WDPCP: variants seen among roughly 807,000 people sequenced by gnomAD.
The protein encoded by WDPCP is WD repeat containing planar cell polarity effector.
WDPCP carries 71 observed loss-of-function variants against 93.1 expected under a neutral mutation model. The ratio of observed to expected loss-of-function variants is 0.76; its 90% CI spans 0.63 to 0.93. The LOEUF is 0.93. WDPCP is among the 40% of genes least tolerant of loss of function. The probability of loss-of-function intolerance (pLI) is 0.00; values close to 1 mark genes in which losing one functional copy is unlikely to be tolerated. For missense variants in WDPCP, 844 were observed against 887.4 expected, an observed-to-expected ratio of 0.95 and a Z score of 0.62; for synonymous variants, 315 against 315.0, an observed-to-expected ratio of 1.00 and a Z score of 0.00.
intron 6 of WDPCP, among the ~76,000 whole-genome samples, chr2:63,454,288 A>G (rs1034253943): frequency 6.6e-6 from 1 of 151,882 alleles, no homozygotes; most frequent in Non-Finnish European, 1.5e-5. Flanking sequence ...TCTCACTCAT[A>G]AGTGGGCATT....
chr2:63,474,804 T>G (rs1368831980), intron 6 of WDPCP, among the ~76,000 whole-genome samples: 1 of 152,166 alleles, frequency 6.6e-6, no homozygotes, highest in Non-Finnish European at 1.5e-5. Flanking sequence ...ATATTATGTG[T>G]TAAAATAATT....
chr2:63,590,892 A>C (rs1486102764), upstream of WDPCP: 1 of 152,258 alleles, frequency 6.6e-6, no homozygotes, highest in Admixed American at 6.5e-5. Flanking sequence ...CTGTAAGCTC[A>C]TTCAAAGCGG....
At chr2:63,543,977 CT>C (rs1164925826) in intron 1 of WDPCP, among the ~76,000 whole-genome samples, 3 of 151,984 alleles carry the variant, frequency 2.0e-5, no homozygotes, top group African/African-American at 7.2e-5. Context: ...GTTAGCTGAG[CT>C]TAAAATGCAA....
intron 2 of WDPCP, among the ~76,000 whole-genome samples, chr2:63,686,002 A>T (rs1325543465): frequency 6.6e-6 from 1 of 152,238 alleles, no homozygotes; most frequent in African/African-American, 2.4e-5. Context: ...CTATTATCAT[A>T]CTGAATGGGG....
At chr2:63,681,794 G>A (rs142762559) in intron 2 of WDPCP, among the ~76,000 whole-genome samples, 2 of 152,322 alleles carry the variant, frequency 1.3e-5, no homozygotes, top group Admixed American at 6.5e-5. Flanking sequence ...GGCCACAGTG[G>A]TGCTTGTATC....
chr2:63,799,738 G>A (rs534084436), intron 2 of WDPCP, among the ~76,000 whole-genome samples: 3 of 152,184 alleles, frequency 2.0e-5, no homozygotes, highest in East Asian at 3.9e-4. Context: ...TAAGAAATAG[G>A]CTGAAAGGCC....
At chr2:63,154,797 C>T (rs964127974) in intron 15 of WDPCP, among the ~76,000 whole-genome samples, 14 of 152,272 alleles carry the variant, frequency 9.2e-5, no homozygotes, top group African/African-American at 3.4e-4. Context: ...GCATCATCCT[C>T]ACCAGCACCT....
chr2:63,503,308 G>A (rs1278464613), intron 1 of WDPCP, among the ~76,000 whole-genome samples: 1 of 152,128 alleles, frequency 6.6e-6, no homozygotes, highest in African/African-American at 2.4e-5. Flanking sequence ...CCTTTGCATA[G>A]TCATTTTCTA....
upstream of WDPCP, among the ~76,000 whole-genome samples, chr2:63,829,654 T>C (rs1671163727): frequency 6.6e-6 from 1 of 152,098 alleles, no homozygotes; most frequent in Non-Finnish European, 1.5e-5. Flanking sequence ...ACTTTTCCAT[T>C]GTGTAAGATT....
At chr2:63,670,152 G>A (rs1710327118) in intron 2 of WDPCP, among the ~76,000 whole-genome samples, 1 of 152,066 alleles carries the variant, frequency 6.6e-6, no homozygotes, top group Non-Finnish European at 1.5e-5. Flanking sequence ...CATTTGCATA[G>A]GGGAGGAGAG....
chr2:63,349,251 T>A (rs1012574416), intron 12 of WDPCP, among the ~76,000 whole-genome samples: 3 of 152,150 alleles, frequency 2.0e-5, no homozygotes, highest in Non-Finnish European at 4.4e-5. Flanking sequence ...CTAGAAATTT[T>A]AACTCATTGT....
At chr2:63,726,039 AGTT>A (rs1669493156) in intron 2 of WDPCP, among the ~76,000 whole-genome samples, 1 of 152,118 alleles carries the variant, frequency 6.6e-6, no homozygotes, top group Admixed American at 6.5e-5. Context: ...GAAGCTCTTT[AGTT>A]TAATTAAGTC....
intron 3 of WDPCP, among the ~76,000 whole-genome samples, chr2:63,644,219 G>A (rs978667412): frequency 3.4e-5 from 5 of 149,060 alleles, no homozygotes; most frequent in African/African-American, 1.2e-4. Context: ...CAGAATGAAT[G>A]TGCAAGTATT....
intron 2 of WDPCP, among the ~76,000 whole-genome samples, chr2:63,721,550 A>C (rs1246817098): frequency 1.3e-5 from 2 of 152,030 alleles, no homozygotes; most frequent in African/African-American, 2.4e-5. Context: ...AATATAAATA[A>C]ATTTTTAAAA....
chr2:63,293,478 A>T (rs1038115888), intron 13 of WDPCP, among the ~76,000 whole-genome samples: 1 of 152,188 alleles, frequency 6.6e-6, no homozygotes, highest in Non-Finnish European at 1.5e-5. Flanking sequence ...GCAACAAAAA[A>T]TCATGAGGCA....
intron 6 of WDPCP, among the ~76,000 whole-genome samples, chr2:63,452,713 C>A (rs547901440): frequency 4.6e-5 from 7 of 152,272 alleles, no homozygotes; most frequent in African/African-American, 1.4e-4. Flanking sequence ...CTACAGTAAC[C>A]AAAACAGTAT....
intron 2 of WDPCP, among the ~76,000 whole-genome samples, chr2:63,708,404 G>A (rs528259717): frequency 3.3e-5 from 5 of 152,334 alleles, no homozygotes; most frequent in Admixed American, 6.5e-5. Flanking sequence ...GCAAGGCTCC[G>A]TGGGCATAGG....
At chr2:63,695,580 C>T (rs1668951165) in intron 2 of WDPCP, among the ~76,000 whole-genome samples, 1 of 152,096 alleles carries the variant, frequency 6.6e-6, no homozygotes, top group Admixed American at 6.5e-5. Flanking sequence ...AGGAAAGAAC[C>T]ACTAGTCTTA....
intron 1 of WDPCP, among the ~76,000 whole-genome samples, chr2:63,583,038 T>A (rs1708596472): frequency 6.6e-6 from 1 of 152,194 alleles, no homozygotes; most frequent in South Asian, 2.1e-4. Context: ...TCTCACTAAA[T>A]CTCTTTTAAA....
Sources: gnomAD v4.1 joint callset for allele counts (sites outside exome capture counted in the v4.1 genomes callset) on GRCh38, gnomAD v4.1.1 for gene constraint, MANE v1.5 for transcripts, NCBI Gene and HGNC (gene_info 2026-07-23, HGNC 2026-07-21) for gene names.